The following NRG1 variants were observed in gnomAD, a reference collection of about 807,000 sequenced individuals.
The protein encoded by NRG1 is pro-neuregulin-1, membrane-bound isoform.
NRG1 carries 18 observed loss-of-function variants against 63.8 expected under a neutral mutation model. That is an observed-to-expected ratio of 0.28 (90% CI 0.19 to 0.42). NRG1 has a LOEUF of 0.42. Ranked by LOEUF, NRG1 falls within the 10% of genes least tolerant of loss-of-function variation. NRG1 has a pLI of 1.00. For synonymous variants in NRG1, 302 were observed against 301.3 expected, an observed-to-expected ratio of 1.00 and a Z score of -0.02; for missense variants, 762 against 814.7, an observed-to-expected ratio of 0.94 and a Z score of 0.79.
At chr8:31,841,411 C>T (rs1373962026) in intron 1 of NRG1, among the ~76,000 whole-genome samples, 2 of 152,052 alleles carry the variant, frequency 1.3e-5, no homozygotes, top group Admixed American at 6.6e-5. Flanking sequence ...TTTAGACTTT[C>T]CCCTGTAGAC....
At chr8:32,710,306 C>T (rs1023807607) in intron 5 of NRG1, among the ~76,000 whole-genome samples, 13 of 152,050 alleles carry the variant, frequency 8.5e-5, no homozygotes, top group African/African-American at 3.1e-4. Context: ...TATAGAAATA[C>T]TTTTTTTGTC....
intron 5 of NRG1, among the ~76,000 whole-genome samples, chr8:32,638,622 T>C (rs1197268592): frequency 6.6e-6 from 1 of 152,130 alleles, no homozygotes; most frequent in Non-Finnish European, 1.5e-5. Context: ...GCGACCATGT[T>C]GGACAGAAAA....
At chr8:32,572,015 C>G (rs983281047) in intron 1 of NRG1, among the ~76,000 whole-genome samples, 1 of 152,110 alleles carries the variant, frequency 6.6e-6, no homozygotes, top group Non-Finnish European at 1.5e-5. Flanking sequence ...CTTTTATGTT[C>G]ACTTTTATGT....
chr8:31,743,753 T>G (rs189455930), intron 1 of NRG1, among the ~76,000 whole-genome samples: 25 of 152,140 alleles, frequency 1.6e-4, no homozygotes, highest in African/African-American at 5.8e-4. Flanking sequence ...CTTTCTGTAC[T>G]AAGGCACAAA....
At chr8:32,025,944 TAAAAAA>T (rs71208160) in intron 1 of NRG1, among the ~76,000 whole-genome samples, 3 of 113,476 alleles carry the variant, frequency 2.6e-5, no homozygotes, top group Non-Finnish European at 5.4e-5. Flanking sequence ...AGACTCCGTC[TAAAAAA>T]AAAAAAAAAA....
At chr8:32,064,460 ACT>A in intron 1 of NRG1, among the ~76,000 whole-genome samples, 1 of 151,950 alleles carries the variant, frequency 6.6e-6, no homozygotes, top group East Asian at 1.9e-4. Flanking sequence ...TTAGCAGATG[ACT>A]CTGAGCTGAC....
At chr8:31,692,115 G>A (rs1809594160) in intron 1 of NRG1, among the ~76,000 whole-genome samples, 1 of 152,216 alleles carries the variant, frequency 6.6e-6, no homozygotes, top group East Asian at 1.9e-4. Context: ...TTACAGGTGT[G>A]AGCCACCCAT....
intron 1 of NRG1, among the ~76,000 whole-genome samples, chr8:32,533,099 C>A (rs952100874): frequency 6.6e-6 from 1 of 151,108 alleles, no homozygotes; most frequent in Non-Finnish European, 1.5e-5. Flanking sequence ...TTCATAATTA[C>A]GGTCCATAAC....
At chr8:32,214,151 G>T (rs978380146) in intron 1 of NRG1, among the ~76,000 whole-genome samples, 2 of 152,066 alleles carry the variant, frequency 1.3e-5, no homozygotes, top group Non-Finnish European at 2.9e-5. Flanking sequence ...TTGCAAATTT[G>T]TGTCCTGCTT....
intron 1 of NRG1, among the ~76,000 whole-genome samples, chr8:31,922,158 A>G (rs1179692254): frequency 1.3e-5 from 2 of 152,234 alleles, no homozygotes; most frequent in Non-Finnish European, 2.9e-5. Flanking sequence ...GAGTTGGGAT[A>G]GGAGACTTGC....
chr8:32,220,752 C>T (rs964297110), intron 1 of NRG1, among the ~76,000 whole-genome samples: 5 of 152,220 alleles, frequency 3.3e-5, no homozygotes, highest in African/African-American at 1.2e-4. Flanking sequence ...CCTCCCGGAG[C>T]TCCTCCGCGG....
chr8:31,829,971 A>T (rs1234547008), intron 1 of NRG1, among the ~76,000 whole-genome samples: 5 of 152,236 alleles, frequency 3.3e-5, no homozygotes, highest in African/African-American at 9.6e-5. Flanking sequence ...GGCTAGAAAT[A>T]CATGAATGGT....
At chr8:32,057,430 T>C (rs185122263) in intron 1 of NRG1, among the ~76,000 whole-genome samples, 1 of 152,184 alleles carries the variant, frequency 6.6e-6, no homozygotes, top group East Asian at 1.9e-4. Context: ...CCTGGAACGA[T>C]AAACATTTGT....
intron 1 of NRG1, among the ~76,000 whole-genome samples, chr8:31,846,354 G>C (rs916135962): frequency 2.6e-5 from 4 of 152,176 alleles, no homozygotes; most frequent in East Asian, 3.8e-4. Context: ...AGGCCTAAAG[G>C]CCACACGAGG....
At chr8:31,956,294 T>A (rs12550308) in intron 1 of NRG1, among the ~76,000 whole-genome samples, 2 of 151,876 alleles carry the variant, frequency 1.3e-5, no homozygotes, top group Admixed American at 6.5e-5. Flanking sequence ...ACAGGGTGAC[T>A]TTGTAAGTGG....
At chr8:32,688,013 A>G (rs1362015859) in intron 5 of NRG1, among the ~76,000 whole-genome samples, 1 of 152,178 alleles carries the variant, frequency 6.6e-6, no homozygotes, top group East Asian at 1.9e-4. Context: ...AGATTTGGGT[A>G]TGGACAAATA....
At chr8:32,569,787 A>G (rs949216658) in intron 1 of NRG1, among the ~76,000 whole-genome samples, 2 of 152,034 alleles carry the variant, frequency 1.3e-5, no homozygotes, top group Admixed American at 6.6e-5. Context: ...TACACAAGTA[A>G]AACATTTACC....
At chr8:31,687,077 T>C (rs1388517303) in intron 1 of NRG1, among the ~76,000 whole-genome samples, 2 of 152,032 alleles carry the variant, frequency 1.3e-5, no homozygotes, top group Non-Finnish European at 2.9e-5. Context: ...CCCAGGATGC[T>C]CCCTTTTAAT....
At chr8:31,726,530 T>C (rs1203712259) in intron 1 of NRG1, among the ~76,000 whole-genome samples, 2 of 152,172 alleles carry the variant, frequency 1.3e-5, no homozygotes, top group African/African-American at 4.8e-5. Context: ...GGAATGTATA[T>C]TTTTATAAAG....
Sources: allele counts gnomAD v4.1 joint callset (sites outside exome capture counted in the v4.1 genomes callset), GRCh38; gene constraint gnomAD v4.1.1; transcripts MANE v1.5; gene names NCBI Gene and HGNC (gene_info 2026-07-23, HGNC 2026-07-21).